The following ACSM1 variants were observed in gnomAD, a reference collection of about 807,000 sequenced individuals.
ACSM1 encodes acyl-CoA synthetase medium chain family member 1.
ACSM1 carries 79 observed loss-of-function variants against 75.8 expected under a neutral mutation model. That is an observed-to-expected ratio of 1.04 (90% confidence interval 0.87 to 1.26). The LOEUF (loss-of-function observed/expected upper bound fraction) is 1.26. Among genes scored for constraint, ACSM1 ranks in the 50% most tolerant of loss-of-function variants. ACSM1 has a pLI of 0.00. For missense variants in ACSM1, 676 were observed against 720.1 expected (o/e 0.94, Z 0.70); for synonymous variants, 279 against 265.8 (o/e 1.05, Z -0.48).
intron 11 of ACSM1, among the ~76,000 whole-genome samples, chr16:20,626,301 G>A (rs2016918921): frequency 6.6e-6 from 1 of 151,586 alleles, no homozygotes; most frequent in African/African-American, 2.4e-5. Flanking sequence ...TCAGGCCACT[G>A]CACTCCAGCC....
At position 20,627,037 on chromosome 16, in the gene ACSM1, T is replaced by C. The variant is rs145110962; in HGVS notation, c.1427+152A>G. The stretch of plus-strand genomic sequence containing the variant: ...CTGCGTGCAGAGAAGGTTCGGGAGG[T>C]ATACTGAAGCCTGGAATCAGGGCAC... On this transcript the variant is annotated intron_variant, in intron 11 of 13. Coordinates refer to ENST00000520010, the MANE Select transcript of ACSM1 (RefSeq NM_001318890.3). 7.9e-3 allele frequency: 8,062 copies of C among 1,015,026 alleles called. 50 individuals carry two copies. The highest frequency in any genetic ancestry group is 0.016 in the Middle Eastern group (70 of 4,358). 62.9% of individuals were successfully genotyped at this position (1,015,026 alleles called of 1,614,324 possible).
Position 20,627,108 on chromosome 16 carries a change from C to T in ACSM1, c.1427+81G>A, listed in dbSNP as rs2016971271. 11 of 1,439,848 alleles carry T rather than the reference C, an allele frequency of 7.6e-6. No individual in the cohort carries two copies. In the South Asian group the frequency reaches 1.2e-4, roughly 15 times the overall value. The allele number at this position is 1,439,848 out of a possible 1,614,324, so 89.2% of individuals were successfully genotyped here. A position where few individuals can be genotyped will look rare whatever the true frequency, so the allele number is the denominator to read the frequency against. On this transcript the variant is annotated intron_variant, in intron 11 of 13. Coordinates refer to ENST00000520010, the MANE Select transcript of ACSM1 (RefSeq NM_001318890.3). ...GATTTAGGCTGAAATTTCACCAATG[C>T]GTGAAAAAATGTCTAGGTAAGCAAA...
chr16:20,685,117 A>G, intron 3 of ACSM1, 76 bp downstream of exon 3: 1 of 1,510,552 alleles, frequency 6.6e-7, no homozygotes, highest in Non-Finnish European at 9.2e-7. Context: ...GGCTGGGTGC[A>G]CAGCACCTAA....
chr16:20,649,358 T>C (rs1431150400), intron 7 of ACSM1, among the ~76,000 whole-genome samples: 1 of 152,184 alleles, frequency 6.6e-6, no homozygotes, highest in Non-Finnish European at 1.5e-5. Flanking sequence ...TCAAAATATT[T>C]TACCCCTGAA....
At chr16:20,697,223 T>C (rs1567318211) in intron 1 of ACSM1, among the ~76,000 whole-genome samples, 1 of 152,102 alleles carries the variant, frequency 6.6e-6, no homozygotes, top group Admixed American at 6.5e-5. Flanking sequence ...CAGGCATGTA[T>C]TACTATGCTT....
At chr16:20,624,413 C>A (rs1292934037) in intron 12 of ACSM1, among the ~76,000 whole-genome samples, 198 bp from the exon 13 acceptor site, 1 of 152,178 alleles carries the variant, frequency 6.6e-6, no homozygotes, top group Admixed American at 6.5e-5. Flanking sequence ...TCTCCTTAAC[C>A]TCAGTTTTCT....
intron 8 of ACSM1, among the ~76,000 whole-genome samples, chr16:20,638,755 T>C (rs1371050268): frequency 6.6e-6 from 1 of 152,192 alleles, no homozygotes; most frequent in Non-Finnish European, 1.5e-5. Context: ...GATAGGAAGA[T>C]CTTTGCCCAC....
In ACSM1 at chr16:20,682,483, T is replaced by G. The variant is rs775791749; in HGVS notation, c.404-20A>C. The G allele has an allele frequency of 1.2e-6, 2 of 1,602,170 alleles. No individual in the cohort carries two copies. The highest frequency in any genetic ancestry group is 2.2e-5 in the East Asian group (1 of 44,734). ...TGATCCCTGGGGATGAGAAAGGAAC[T>G]GATTGTTTTGGTTTCTTTTTCACAA... On this transcript the variant is annotated intron_variant, in intron 3 of 13. Transcript: ENST00000520010.
intron 7 of ACSM1, among the ~76,000 whole-genome samples, chr16:20,651,509 A>G (rs1229415056): frequency 6.6e-6 from 1 of 152,150 alleles, no homozygotes. Context: ...CATGCCTGCA[A>G]TCCCAGCTAC....
intron 7 of ACSM1, among the ~76,000 whole-genome samples, chr16:20,644,204 C>G (rs1228069677): frequency 6.6e-6 from 1 of 152,170 alleles, no homozygotes; most frequent in African/African-American, 2.4e-5. Flanking sequence ...ACAGATGGCC[C>G]AAATGCATTC....
chr16:20,665,699 C>CCA lies in ACSM1; in HGVS notation c.913-3828_913-3827dup, dbSNP rs1462658291. Among the ~76,000 whole-genome samples the CCA allele has an allele frequency of 3.9e-5, 6 of 152,102 alleles. No individual in the cohort carries two copies. The East Asian group carries it at 5.8e-4, about 15-fold the overall frequency. The stretch of plus-strand genomic sequence containing the variant: ...TACAATGACAAAAGAAAACTCCAGG[C>CCA]CAATATCCCTGATAAACGTAGATGC... On this transcript the variant is annotated intron_variant, in intron 6 of 13. Transcript: ENST00000520010.
chr16:20,682,499 T>C (rs1390091929), intron 3 of ACSM1, 36 bp from the exon 4 acceptor site: 1 of 1,566,806 alleles, frequency 6.4e-7, no homozygotes, highest in Non-Finnish European at 8.8e-7. Flanking sequence ...TTTTGGTTTC[T>C]TTTTCACAAC....
intron 5 of ACSM1, among the ~76,000 whole-genome samples, chr16:20,671,081 T>G (rs1596903182): frequency 6.6e-6 from 1 of 152,074 alleles, no homozygotes; most frequent in Non-Finnish European, 1.5e-5. Context: ...TCCCTAGAAG[T>G]GAATAATTGA....
At chr16:20,641,883 G>A (rs2018083851) in intron 7 of ACSM1, among the ~76,000 whole-genome samples, 1 of 152,178 alleles carries the variant, frequency 6.6e-6, no homozygotes, top group Non-Finnish European at 1.5e-5. Flanking sequence ...AAGAAGCTCG[G>A]TGGGAAAGTG....
At chr16:20,633,459 T>C (rs1194170550) in intron 10 of ACSM1, among the ~76,000 whole-genome samples, 4 of 152,180 alleles carry the variant, frequency 2.6e-5, no homozygotes, top group Admixed American at 1.3e-4. Flanking sequence ...GTACTCATAA[T>C]AAATTTAATC....
intron 7 of ACSM1, among the ~76,000 whole-genome samples, chr16:20,643,996 G>GT (rs1289497401): frequency 6.6e-6 from 1 of 151,986 alleles, no homozygotes; most frequent in South Asian, 2.1e-4. Context: ...GCTGATTGGT[G>GT]TTTTTTTACA....
rs34041438 is a variant in ACSM1 at position 20,686,978 on chromosome 16, A to ATTT, written c.193-1578_193-1576dup. On this transcript the variant is annotated intron_variant, in intron 2 of 13. Coordinates refer to ENST00000520010, the MANE Select transcript of ACSM1 (RefSeq NM_001318890.3). ...ACTCAAAATGGTAGAAAATTTTGTG[A>ATTT]TTTTTTTTTTTTTTTTTTGGTCACC... Among the ~76,000 whole-genome samples, 6 of 135,996 alleles carry ATTT rather than the reference A, an allele frequency of 4.4e-5. No homozygotes were observed. The South Asian group carries it at 7.0e-4, about 16-fold the overall frequency. 89.2% of individuals were successfully genotyped at this position (135,996 alleles called of 152,430 possible).
At chr16:20,665,789 G>C (rs2019534461) in intron 6 of ACSM1, among the ~76,000 whole-genome samples, 1 of 152,226 alleles carries the variant, frequency 6.6e-6, no homozygotes, top group Non-Finnish European at 1.5e-5. Context: ...AATTCACCAT[G>C]ATCAAGTAGG....
At chr16:20,637,611 A>G (rs546040492) in intron 8 of ACSM1, among the ~76,000 whole-genome samples, 160 bp from the exon 9 acceptor site, 2 of 152,358 alleles carry the variant, frequency 1.3e-5, no homozygotes, top group Middle Eastern at 3.4e-3. Flanking sequence ...GCCTTAGTCT[A>G]GGCTCAAGGT....
Sources: allele counts gnomAD v4.1 joint callset (sites outside exome capture counted in the v4.1 genomes callset), GRCh38; gene constraint gnomAD v4.1.1; transcripts MANE v1.5; gene names NCBI Gene and HGNC (gene_info 2026-07-23, HGNC 2026-07-21).